Variants in LRRC7 observed in about 807,000 individuals in gnomAD.
The protein encoded by LRRC7 is leucine rich repeat containing 7, also known as leucine-rich repeat-containing protein 7.
A neutral mutation model predicts 175.7 loss-of-function variants in LRRC7; 23 were observed. That is an observed-to-expected ratio of 0.13 (90% confidence interval 0.09 to 0.19). LRRC7 has a LOEUF of 0.19. Among genes scored for constraint, LRRC7 ranks in the 10% least tolerant of loss-of-function variants. The pLI, the probability that LRRC7 is intolerant of heterozygous loss-of-function variation, is 1.00. For synonymous variants in LRRC7, 685 were observed against 680.9 expected, an observed-to-expected ratio of 1.01 and a Z score of -0.09; for missense variants, 1,354 against 1,904.7, an observed-to-expected ratio of 0.71 and a Z score of 5.38.
At chr1:69,826,289 C>T (rs1028239857) in intron 5 of LRRC7, among the ~76,000 whole-genome samples, 2 of 151,980 alleles carry the variant, frequency 1.3e-5, no homozygotes, top group African/African-American at 4.8e-5. Flanking sequence ...GAGATTGCAG[C>T]AAGAACAAAG....
Position 70,038,190 on chromosome 1 carries a change from T to C in LRRC7, c.2366T>C (p.Ile789Thr), listed in dbSNP as rs1253909278. Residue 789 changes from isoleucine to threonine, a missense_variant, in exon 21 of 27, where the codon ATA (isoleucine) becomes ACA (threonine). Transcript: ENST00000651989. ...CGGGAGGCTGTTCCCCCAGGCAATA[T>C]ACCACAGCGTCCTGACCGGCTGCCC... ...SQREAVPPGN[I>T]PQRPDRLPMS... The C allele has an allele frequency of 1.2e-6, 2 of 1,614,096 alleles. No individual in the cohort carries two copies. The highest frequency in any genetic ancestry group is 1.7e-6 in the Non-Finnish European group (2 of 1,179,998).
chr1:70,010,360 G>A (rs181992965), intron 11 of LRRC7, among the ~76,000 whole-genome samples: 45 of 152,276 alleles, frequency 3.0e-4, no homozygotes, highest in South Asian at 1.2e-3. Flanking sequence ...GAGGTCAGGA[G>A]TTTGAGACCA....
intron 11 of LRRC7, among the ~76,000 whole-genome samples, chr1:70,010,884 G>A (rs1656442659): frequency 6.6e-6 from 1 of 151,964 alleles, no homozygotes; most frequent in South Asian, 2.1e-4. Context: ...AGTAAAGCCG[G>A]CTAAGTATGG....
At chr1:69,904,072 G>T (rs1225272929) in intron 7 of LRRC7, among the ~76,000 whole-genome samples, 1 of 152,118 alleles carries the variant, frequency 6.6e-6, no homozygotes, top group East Asian at 1.9e-4. Context: ...TTCTACCAGA[G>T]GAACTGGTAC....
At chr1:69,856,911 C>T (rs1683712205) in intron 7 of LRRC7, among the ~76,000 whole-genome samples, 1 of 152,090 alleles carries the variant, frequency 6.6e-6, no homozygotes, top group Non-Finnish European at 1.5e-5. Context: ...AAAGCTTATC[C>T]ACCATGATCA....
chr1:69,845,491 C>G (rs1009928514), intron 7 of LRRC7, among the ~76,000 whole-genome samples: 2 of 151,986 alleles, frequency 1.3e-5, no homozygotes, highest in African/African-American at 4.8e-5. Context: ...ACAGACTTAT[C>G]TAAAATATAA....
intron 6 of LRRC7, among the ~76,000 whole-genome samples, chr1:69,835,657 C>T (rs1443253306): frequency 6.6e-6 from 1 of 151,886 alleles, no homozygotes; most frequent in Non-Finnish European, 1.5e-5. Flanking sequence ...ACAACCATTG[C>T]CTTTGTGAAT....
chr1:69,829,669 T>C (rs1428068971), intron 5 of LRRC7, among the ~76,000 whole-genome samples: 1 of 151,882 alleles, frequency 6.6e-6, no homozygotes, highest in Non-Finnish European at 1.5e-5. Context: ...ATATATTCTT[T>C]GAATTTTTAA....
chr1:69,683,119 C>T (rs1018278239), intron 2 of LRRC7, among the ~76,000 whole-genome samples: 4 of 152,144 alleles, frequency 2.6e-5, no homozygotes, highest in Admixed American at 6.6e-5. Context: ...AAAGCCTGAG[C>T]TTCCTCCAGT....
intron 7 of LRRC7, among the ~76,000 whole-genome samples, chr1:69,914,541 T>C (rs999260895): frequency 2.0e-5 from 3 of 152,200 alleles, no homozygotes; most frequent in Non-Finnish European, 2.9e-5. Context: ...TCCTCATTAT[T>C]TGAAATAATA....
intron 1 of LRRC7, among the ~76,000 whole-genome samples, chr1:69,651,560 C>T (rs1655833864): frequency 6.6e-6 from 1 of 152,002 alleles, no homozygotes; most frequent in Non-Finnish European, 1.5e-5. Flanking sequence ...AGTCCTAGCC[C>T]CTCCACAGAA....
At chr1:69,706,290 C>T (rs548347675) in intron 2 of LRRC7, among the ~76,000 whole-genome samples, 1 of 152,268 alleles carries the variant, frequency 6.6e-6, no homozygotes, top group South Asian at 2.1e-4. Context: ...AGCAAAATCA[C>T]TCACCTGTGC....
Position 70,143,789 on chromosome 1 carries a change from G to GTAAT in LRRC7, c.*21907_*21910dup, listed in dbSNP as rs1553210657. 1 of 152,100 alleles carries GTAAT rather than the reference G, an allele frequency of 6.6e-6. No individual in the cohort carries two copies. Among genetic ancestry groups the GTAAT allele is most frequent in the Non-Finnish European group, 1.5e-5 (1 of 68,006 alleles). The allele number at this position is 152,100 out of a possible 1,614,324, so 9.4% of individuals were successfully genotyped here. On this transcript the variant is annotated 3_prime_UTR_variant, in exon 27 of 27. Transcript: ENST00000651989. ...CATGTTTAACTGAAATGGCTGTATT[G>GTAAT]TAATTAATATTTTGAGATAATTGTG... is the stretch of plus-strand genomic sequence containing the variant.
In LRRC7 at chr1:70,127,017, A is replaced by C. The variant is rs1343906800; in HGVS notation, c.*5130A>C. The stretch of plus-strand genomic sequence containing the variant: ...AGCTGTTCGGAGAGCCTTGAGTATC[A>C]ACAGATGGTTACAGCTCCCAATTTG... On this transcript the variant is annotated 3_prime_UTR_variant, in exon 27 of 27. Coordinates refer to ENST00000651989, the MANE Select transcript of LRRC7 (RefSeq NM_001370785.2). 3.3e-5 allele frequency among the ~76,000 whole-genome samples: 5 copies of C among 152,196 alleles called. No homozygotes were observed. Among genetic ancestry groups the C allele is most frequent in the Non-Finnish European group, 7.3e-5 (5 of 68,036 alleles).
intron 2 of LRRC7, among the ~76,000 whole-genome samples, chr1:69,732,678 A>G (rs182347906): frequency 6.6e-6 from 1 of 152,232 alleles, no homozygotes; most frequent in East Asian, 1.9e-4. Context: ...CTTTATATAT[A>G]CTTGCAATAT....
Position 69,595,277 on chromosome 1 carries a change from G to T in LRRC7, c.2+26636G>T, listed in dbSNP as rs192884160. ...TCTAGTAAAAATACAAAAATTAGCC[G>T]GGCGTGGTGGCGGGCACCTGTAATC... On this transcript the variant is annotated intron_variant, in intron 1 of 26. Transcript: ENST00000651989. Among the ~76,000 whole-genome samples, 245 of 152,050 alleles carry T rather than the reference G, an allele frequency of 1.6e-3. 1 individual carries two copies. In the Middle Eastern group the frequency reaches 0.048, roughly 30 times the overall value.
intron 2 of LRRC7, among the ~76,000 whole-genome samples, chr1:69,711,629 G>C (rs573919525): frequency 1.1e-4 from 17 of 152,266 alleles, no homozygotes; most frequent in African/African-American, 4.1e-4. Flanking sequence ...TAATTGAAAT[G>C]TGAAGCTGGG....
intron 2 of LRRC7, among the ~76,000 whole-genome samples, chr1:69,680,811 T>G (rs1006114072): frequency 6.6e-6 from 1 of 152,018 alleles, no homozygotes; most frequent in African/African-American, 2.4e-5. Flanking sequence ...AATACAAAAT[T>G]CAGTTTATTT....
At chr1:70,020,933 G>A in intron 15 of LRRC7, 72 bp from the exon 16 acceptor site, 10 of 1,246,606 alleles carry the variant, frequency 8.0e-6, no homozygotes, top group Non-Finnish European at 1.1e-5. Context: ...CACCATTTTT[G>A]CATACTATAT....
Sources: gnomAD v4.1 joint callset for allele counts (sites outside exome capture counted in the v4.1 genomes callset) on GRCh38, gnomAD v4.1.1 for gene constraint, MANE v1.5 for transcripts, NCBI Gene and HGNC (gene_info 2026-07-23, HGNC 2026-07-21) for gene names.